Variants in FIP1L1 observed in about 807,000 individuals in gnomAD.
The protein encoded by FIP1L1 is pre-mRNA 3'-end-processing factor FIP1.
Under a neutral mutation model 84.6 loss-of-function variants are expected in FIP1L1, and 21 were observed. That is an observed-to-expected ratio of 0.25 (90% confidence interval 0.18 to 0.36). The LOEUF is 0.36. Among genes scored for constraint, FIP1L1 ranks in the 10% least tolerant of loss-of-function variants. FIP1L1 has a pLI of 1.00. For synonymous variants in FIP1L1, 263 were observed against 242.3 expected, an observed-to-expected ratio of 1.09 and a Z score of -0.80; for missense variants, 526 against 751.1, an observed-to-expected ratio of 0.70 and a Z score of 3.50.
At chr4:53,399,296 G>A (rs948351503) in intron 9 of FIP1L1, among the ~76,000 whole-genome samples, 1 of 152,200 alleles carries the variant, frequency 6.6e-6, no homozygotes, top group African/African-American at 2.4e-5. Context: ...ATCACAGTCT[G>A]AATAGAAAAT....
chr4:53,407,259 C>T (rs1754113277), intron 10 of FIP1L1, among the ~76,000 whole-genome samples: 1 of 152,236 alleles, frequency 6.6e-6, no homozygotes. Context: ...GCTTTCATTT[C>T]ATTATTTACC....
intron 16 of FIP1L1, among the ~76,000 whole-genome samples, chr4:53,453,487 A>G (rs973915121): frequency 3.9e-5 from 6 of 152,162 alleles, no homozygotes; most frequent in African/African-American, 7.2e-5. Context: ...TTATTATTCT[A>G]TTTTTAGAGA....
intron 5 of FIP1L1, among the ~76,000 whole-genome samples, chr4:53,387,814 T>C (rs763778531): frequency 3.3e-5 from 5 of 152,246 alleles, no homozygotes; most frequent in Admixed American, 6.5e-5. Context: ...GTACATCATA[T>C]GTAGATACCG....
At chr4:53,444,817 C>T (rs546748930) in intron 15 of FIP1L1, among the ~76,000 whole-genome samples, 1 of 152,256 alleles carries the variant, frequency 6.6e-6, no homozygotes, top group South Asian at 2.1e-4. Context: ...AGCAATTCTC[C>T]TGTCTCAGCC....
chr4:53,386,328 A>G (rs776826229), intron 5 of FIP1L1, among the ~76,000 whole-genome samples: 1 of 152,190 alleles, frequency 6.6e-6, no homozygotes, highest in Non-Finnish European at 1.5e-5. Context: ...AACCCTTGGT[A>G]AAATCACCAT....
rs767705874 is a variant in FIP1L1 at position 53,377,872 on chromosome 4, G to C, written c.34G>C (p.Glu12Gln). The part of the protein sequence containing the change: ...SAGEVERLVS[E>Q]LSGGTGGDEE... ...CGGCGAGGTCGAGCGCCTAGTGTCG[G>C]AGCTGAGCGGCGGGACCGGAGGGGA... The change falls in exon 1 of 18, where the codon GAG (glutamate) becomes CAG (glutamine). Residue 12 changes from glutamate to glutamine, a missense_variant. Glu to Gln is a conservative substitution (Grantham distance 29). This residue lies in a region of FIP1L1 where 100 missense variants were observed against 107.2 expected (regional missense o/e 0.93). Coordinates refer to ENST00000337488, the MANE Select transcript of FIP1L1 (RefSeq NM_030917.4). 1 of 1,602,562 alleles carries C rather than the reference G, an allele frequency of 6.2e-7. No individual in the cohort carries two copies. The highest frequency in any genetic ancestry group is 8.5e-7 in the Non-Finnish European group (1 of 1,174,746).
intron 13 of FIP1L1, among the ~76,000 whole-genome samples, chr4:53,435,925 C>T (rs1051075535): frequency 2.0e-5 from 3 of 152,096 alleles, no homozygotes; most frequent in African/African-American, 7.2e-5. Flanking sequence ...TTTTTGTAAA[C>T]CTTGTCCTTT....
chr4:53,408,412 C>T (rs181731439), intron 10 of FIP1L1, among the ~76,000 whole-genome samples: 2 of 152,184 alleles, frequency 1.3e-5, no homozygotes, highest in Admixed American at 1.3e-4. Flanking sequence ...ACCTTTCTCT[C>T]TGGCTGCCCT....
chr4:53,409,770 C>T (rs190120833), intron 10 of FIP1L1, among the ~76,000 whole-genome samples: 86 of 152,364 alleles, frequency 5.6e-4, no homozygotes, highest in African/African-American at 2.0e-3. Context: ...CTGCGAGACT[C>T]CGTGGGCGTA....
chr4:53,390,885 C>CATAAATGATAGAGTG, intron 7 of FIP1L1, 124 bp from the exon 8 acceptor site: 2 of 812,572 alleles, frequency 2.5e-6, no homozygotes, highest in Non-Finnish European at 3.7e-6. Context: ...TTTTTGCCAC[C>CATAAATGATAGAGTG]ATAAATGATA....
chr4:53,402,451 G>C (rs962451598), intron 10 of FIP1L1, among the ~76,000 whole-genome samples: 9 of 152,124 alleles, frequency 5.9e-5, no homozygotes, highest in African/African-American at 2.2e-4. Context: ...CCTGTAATCT[G>C]AGCACTTTGG....
rs913632431 is a variant in FIP1L1, at chr4:53,383,639, G to A, written c.229-134G>A. 1.5e-5 allele frequency: 12 copies of A among 823,748 alleles called. No homozygotes were observed. The African/African-American group carries it at 1.8e-4, about 12-fold the overall frequency. 51.0% of individuals were successfully genotyped at this position (823,748 alleles called of 1,614,324 possible). A position where few individuals can be genotyped will look rare whatever the true frequency, so the allele number is the denominator to read the frequency against. ...ATCATGCCACTGCACTCAAGCCGGG[G>A]CGACAAAGTGAGAGTCTGTCTCAAG... On this transcript the variant is annotated intron_variant, in intron 4 of 17. Transcript: ENST00000337488.
chr4:53,377,899 G>A lies in FIP1L1; in HGVS notation c.61G>A (p.Glu21Lys), dbSNP rs1735398226. ...GCTGAGCGGCGGGACCGGAGGGGAT[G>A]AGGAGGAAGAGTGGCTCTATGGCGG... ...SELSGGTGGD[E>K]EEEWLYGGPW... The change falls in exon 1 of 18, where the codon GAG becomes AAG. Residue 21 changes from glutamate to lysine, a missense_variant. Coordinates refer to ENST00000337488, the MANE Select transcript of FIP1L1 (RefSeq NM_030917.4). The A allele has an allele frequency of 6.3e-7, 1 of 1,599,656 alleles. No homozygotes were observed. The highest frequency in any genetic ancestry group is 8.5e-7 in the Non-Finnish European group (1 of 1,173,158).
Position 53,460,743 on chromosome 4 carries a change from A to AT in FIP1L1, c.*1295dup. The AT allele has an allele frequency of 1.5e-6, 1 of 663,304 alleles. No individual in the cohort carries two copies. The highest frequency in any genetic ancestry group is 2.4e-6 in the Non-Finnish European group (1 of 408,828). 41.1% of individuals were successfully genotyped at this position (663,304 alleles called of 1,614,324 possible). ...TAGTAGTTTTAATTTTTTTGGAATC[A>AT]TATTTTCTGAGGTGTAACTGGCTTT... On this transcript the variant is annotated 3_prime_UTR_variant, in exon 18 of 18. Transcript: ENST00000337488.
intron 10 of FIP1L1, among the ~76,000 whole-genome samples, chr4:53,408,156 T>C (rs991030300): frequency 2.6e-5 from 4 of 152,220 alleles, no homozygotes; most frequent in African/African-American, 7.2e-5. Context: ...CCAAGTTTAG[T>C]GCTTCCTTCA....
intron 9 of FIP1L1, among the ~76,000 whole-genome samples, chr4:53,396,549 G>T (rs1329014401): frequency 6.6e-6 from 1 of 152,072 alleles, no homozygotes; most frequent in Non-Finnish European, 1.5e-5. Flanking sequence ...GGGATTACAG[G>T]CGCCTGCCAC....
intron 13 of FIP1L1, among the ~76,000 whole-genome samples, chr4:53,430,227 C>T (rs1258824592): frequency 2.0e-5 from 3 of 151,482 alleles, no homozygotes; most frequent in Admixed American, 2.0e-4. Flanking sequence ...ACAACAAATA[C>T]TTAGCTGGTA....
intron 5 of FIP1L1, 95 bp downstream of exon 5, chr4:53,383,971 T>C: frequency 8.7e-7 from 1 of 1,144,714 alleles, no homozygotes; most frequent in Non-Finnish European, 1.2e-6. Flanking sequence ...TCCATTGTTT[T>C]TACATTTTTC....
At chr4:53,441,672 A>C (rs1227614831) in intron 13 of FIP1L1, among the ~76,000 whole-genome samples, 1 of 151,986 alleles carries the variant, frequency 6.6e-6, no homozygotes, top group Middle Eastern at 3.2e-3. Flanking sequence ...AGAAGGATTC[A>C]GAGAACTGAT....
Sources: gnomAD v4.1 joint callset for allele counts (sites outside exome capture counted in the v4.1 genomes callset) on GRCh38, gnomAD v4.1.1 for gene constraint, gnomAD v4.1.1 regional missense constraint, MANE v1.5 for transcripts, NCBI Gene and HGNC (gene_info 2026-07-23, HGNC 2026-07-21) for gene names.